The following SLC4A5 variants were observed in gnomAD, a reference collection of about 807,000 sequenced individuals.
SLC4A5 encodes the protein solute carrier family 4 member 5, also known as electrogenic sodium bicarbonate cotransporter 4.
SLC4A5 carries 96 observed loss-of-function variants against 120.4 expected under a neutral mutation model. The ratio of observed to expected loss-of-function variants is 0.80; its 90% CI spans 0.68 to 0.94. The LOEUF (loss-of-function observed/expected upper bound fraction) is 0.94, where lower values mean the gene tolerates loss of function less well. SLC4A5 is among the 40% of genes least tolerant of loss of function. The pLI is 0.00. For synonymous variants in SLC4A5, 550 were observed against 571.1 expected (o/e 0.96, Z 0.53); for missense variants, 1,259 against 1,459.5 (o/e 0.86, Z 2.24).
chr2:74,341,593 C>T (rs1179447515), intron 2 of SLC4A5, among the ~76,000 whole-genome samples: 1 of 152,150 alleles, frequency 6.6e-6, no homozygotes, highest in Non-Finnish European at 1.5e-5. Context: ...GAATTGCTGA[C>T]CAAGAGGGAC....
intron 19 of SLC4A5, among the ~76,000 whole-genome samples, chr2:74,242,287 C>G (rs1457503066): frequency 6.6e-6 from 1 of 152,168 alleles, no homozygotes; most frequent in African/African-American, 2.4e-5. Flanking sequence ...TGCCTGACCA[C>G]GAACAGCTGG....
At chr2:74,305,956 C>A (rs989830557) in intron 6 of SLC4A5, among the ~76,000 whole-genome samples, 2 of 152,102 alleles carry the variant, frequency 1.3e-5, no homozygotes, top group Non-Finnish European at 2.9e-5. Context: ...GAACTCCTGA[C>A]CTTGTGATCC....
In SLC4A5 at chr2:74,223,080, C is replaced by T. The variant is rs542106980; in HGVS notation, c.3247-128G>A. 7.0e-5 allele frequency: 38 copies of T among 542,520 alleles called. No homozygotes were observed. The African/African-American group carries it at 7.5e-4, about 11-fold the overall frequency. 33.6% of individuals were successfully genotyped at this position (542,520 alleles called of 1,614,324 possible). On this transcript the variant is annotated intron_variant, in intron 28 of 30. Transcript: ENST00000394019. ...AGTGCAGTGGTGCGATCTCGGCTCACTGTAACCTCTGCCTCCTGGGTTCAA... is the reference window on the plus strand; with the variant it reads ...AGTGCAGTGGTGCGATCTCGGCTCATTGTAACCTCTGCCTCCTGGGTTCAA...
At chr2:74,303,837 T>A (rs1672549483) in intron 7 of SLC4A5, among the ~76,000 whole-genome samples, 1 of 148,786 alleles carries the variant, frequency 6.7e-6, no homozygotes, top group Non-Finnish European at 1.5e-5. Context: ...AAAACAAGCA[T>A]GTCCATTATT....
chr2:74,237,533 CT>C (rs1276029406), intron 21 of SLC4A5, among the ~76,000 whole-genome samples: 1 of 152,240 alleles, frequency 6.6e-6, no homozygotes, highest in South Asian at 2.1e-4. Flanking sequence ...TACTGTGAAG[CT>C]TCCTAAAGCA....
Position 74,233,574 on chromosome 2 carries a change from GCAAA to G in SLC4A5, c.2434-15_2434-12del, listed in dbSNP as rs753467046. On this transcript the variant is annotated splice_polypyrimidine_tract_variant and intron_variant, in intron 22 of 30. Transcript: ENST00000394019. ...GTCAGGCCGCGTTGGCTGAGTGGGA[GCAAA>G]CAGAGAGGGGCCCTTTCCTCTCTCC... The G allele has an allele frequency of 1.2e-6, 2 of 1,604,782 alleles. No homozygotes were observed. The highest frequency in any genetic ancestry group is 2.7e-5 in the African/African-American group (2 of 74,890).
chr2:74,314,807 C>T, intron 6 of SLC4A5, 138 bp downstream of exon 6: 2 of 756,148 alleles, frequency 2.6e-6, no homozygotes, highest in Non-Finnish European at 4.6e-6. Flanking sequence ...GTCCCACCAG[C>T]CTCAAGGAGA....
chr2:74,337,329 C>G (rs967657755), intron 3 of SLC4A5, among the ~76,000 whole-genome samples: 1 of 152,102 alleles, frequency 6.6e-6, no homozygotes, highest in Non-Finnish European at 1.5e-5. Context: ...CGACCCAGGA[C>G]CAGATGGGAC....
At chr2:74,317,639 C>T (rs1042511105) in intron 5 of SLC4A5, among the ~76,000 whole-genome samples, 1 of 152,152 alleles carries the variant, frequency 6.6e-6, no homozygotes, top group African/African-American at 2.4e-5. Flanking sequence ...GATCCCTGGA[C>T]AGCTGAGGGC....
chr2:74,278,132 G>T (rs1474013902), intron 8 of SLC4A5, among the ~76,000 whole-genome samples: 3 of 152,202 alleles, frequency 2.0e-5, no homozygotes. Flanking sequence ...TGATGGTGGG[G>T]TTATTCCCCT....
At chr2:74,264,679 G>A (rs1671246664) in intron 9 of SLC4A5, among the ~76,000 whole-genome samples, 1 of 152,164 alleles carries the variant, frequency 6.6e-6, no homozygotes, top group Non-Finnish European at 1.5e-5. Context: ...AAAATCCAAT[G>A]TGCTAGAACA....
At chr2:74,252,113 A>G in intron 16 of SLC4A5, 66 bp downstream of exon 16, 1 of 1,541,036 alleles carries the variant, frequency 6.5e-7, no homozygotes, top group Non-Finnish European at 8.8e-7. Flanking sequence ...AAAAGTCCCT[A>G]GAGGGCAGCT....
At chr2:74,337,108 A>AGGTCCT (rs1673506653) in intron 3 of SLC4A5, among the ~76,000 whole-genome samples, 2 of 152,216 alleles carry the variant, frequency 1.3e-5, no homozygotes, top group Admixed American at 1.3e-4. Flanking sequence ...TGACTTTGCT[A>AGGTCCT]GGTCCTGGAG....
chr2:74,251,935 G>A (rs2103991170), intron 16 of SLC4A5, among the ~76,000 whole-genome samples: 1 of 152,286 alleles, frequency 6.6e-6, no homozygotes, highest in East Asian at 1.9e-4. Flanking sequence ...CAGGAAACAG[G>A]CACCAAAGGA....
At chr2:74,314,788 T>A (rs898201286) in intron 6 of SLC4A5, among the ~76,000 whole-genome samples, 157 bp downstream of exon 6, 2 of 152,144 alleles carry the variant, frequency 1.3e-5, no homozygotes, top group South Asian at 2.1e-4. Context: ...GGGGATACCA[T>A]GAAGGCTGGT....
rs1013781439 is a variant in SLC4A5, at chr2:74,290,265, C to T, written c.272-4363G>A. ...TTACCTGCTCCCTGGAACAGCTGAG[C>T]GCTGGGGTCCCTGGCTGTCGATGCT... On this transcript the variant is annotated intron_variant, in intron 7 of 30. Coordinates refer to ENST00000394019, the Ensembl canonical transcript of SLC4A5. The T allele has an allele frequency of 1.2e-5, 12 of 985,414 alleles. No individual in the cohort carries two copies. In the Admixed American group the frequency reaches 2.5e-4, roughly 20 times the overall value. 61.0% of individuals were successfully genotyped at this position (985,414 alleles called of 1,614,324 possible).
At chr2:74,222,628 T>C (rs1239094271) in intron 29 of SLC4A5, among the ~76,000 whole-genome samples, 2 of 152,188 alleles carry the variant, frequency 1.3e-5, no homozygotes, top group South Asian at 2.1e-4. Flanking sequence ...GGATCTAGGT[T>C]GCGTATTCCT....
intron 10 of SLC4A5, 132 bp from the exon 11 acceptor site, chr2:74,262,364 T>A (rs1257211885): frequency 6.1e-4 from 75 of 122,626 alleles, no homozygotes; most frequent in East Asian, 1.3e-3. Flanking sequence ...GAAGAAATTC[T>A]TTTTTTTTTT....
intron 21 of SLC4A5, among the ~76,000 whole-genome samples, chr2:74,237,638 CT>C (rs1370937034): frequency 2.0e-5 from 3 of 152,224 alleles, no homozygotes; most frequent in Non-Finnish European, 4.4e-5. Context: ...AGCTGTAATA[CT>C]TAGTTAAGAT....
Sources: allele counts gnomAD v4.1 joint callset (sites outside exome capture counted in the v4.1 genomes callset), GRCh38; gene constraint gnomAD v4.1.1; transcripts MANE v1.5; gene names NCBI Gene and HGNC (gene_info 2026-07-23, HGNC 2026-07-21).